OTOG: variants seen among roughly 807,000 people sequenced by gnomAD.
The protein encoded by OTOG is otogelin.
OTOG carries 296 observed loss-of-function variants against 313.8 expected under a neutral mutation model. The observed-to-expected ratio is 0.94, with a 90% CI of 0.86 to 1.04. The LOEUF (loss-of-function observed/expected upper bound fraction) is 1.04. OTOG is among the 50% of genes least tolerant of loss of function. The pLI is 0.00. For synonymous variants in OTOG, 1,533 were observed against 1,554.9 expected (o/e 0.99, Z 0.33); for missense variants, 3,948 against 3,840.1 (o/e 1.03, Z -0.74).
intron 47 of OTOG, among the ~76,000 whole-genome samples, chr11:17,638,195 T>C (rs1465174039): frequency 6.6e-6 from 1 of 152,178 alleles, no homozygotes; most frequent in South Asian, 2.1e-4. Flanking sequence ...GACTGCAGAT[T>C]GAGGAGGCCC....
chr11:17,642,405 T>C (rs1847995969), intron 53 of OTOG, among the ~76,000 whole-genome samples, 159 bp downstream of exon 53: 1 of 152,174 alleles, frequency 6.6e-6, no homozygotes, highest in South Asian at 2.1e-4. Context: ...CTGCATTTCT[T>C]TTTGCCCTGA....
intron 34 of OTOG, among the ~76,000 whole-genome samples, chr11:17,608,868 G>A: frequency 6.6e-6 from 1 of 152,196 alleles, no homozygotes; most frequent in Non-Finnish European, 1.5e-5. Context: ...GTGCAGAAGT[G>A]TACCTTGCTC....
chr11:17,642,866 A>T (rs750867980), intron 53 of OTOG, among the ~76,000 whole-genome samples: 1 of 152,226 alleles, frequency 6.6e-6, no homozygotes, highest in Non-Finnish European at 1.5e-5. Flanking sequence ...ACACCCACAC[A>T]TGCAAAATCA....
At chr11:17,552,665 C>T (rs1851969680) in intron 4 of OTOG, among the ~76,000 whole-genome samples, 1 of 63,840 alleles carries the variant, frequency 1.6e-5, no homozygotes, top group Non-Finnish European at 3.0e-5. Context: ...CTTTGTCTTC[C>T]CTTCGTCTAT....
At chr11:17,588,026 T>C (rs1465838227) in intron 24 of OTOG, among the ~76,000 whole-genome samples, 1 of 152,058 alleles carries the variant, frequency 6.6e-6, no homozygotes, top group Non-Finnish European at 1.5e-5. Flanking sequence ...AGAAATCAGA[T>C]CCAAGGCAGA....
chr11:17,626,140 A>G (rs572430071), intron 39 of OTOG, among the ~76,000 whole-genome samples: 1 of 152,180 alleles, frequency 6.6e-6, no homozygotes, highest in African/African-American at 2.4e-5. Context: ...TGGGTTCTCT[A>G]TTCTGTTCCA....
intron 6 of OTOG, among the ~76,000 whole-genome samples, chr11:17,555,505 G>T (rs556116187): frequency 1.3e-5 from 2 of 152,262 alleles, no homozygotes; most frequent in South Asian, 4.1e-4. Context: ...ATGATTGACT[G>T]GGAAGAGCCC....
At position 17,558,552 on chromosome 11, in the gene OTOG, G is replaced by T; in HGVS notation, c.1011G>T (p.Gln337His). 4 of 1,550,512 alleles carry T rather than the reference G, an allele frequency of 2.6e-6. No homozygotes were observed. Among genetic ancestry groups the T allele is most frequent in the Non-Finnish European group, 3.5e-6 (4 of 1,147,010 alleles). The change falls in exon 10 of 56, where the codon CAG becomes CAT. Residue 337 changes from glutamine to histidine, a missense_variant. Gln to His is a conservative substitution (Grantham distance 24). Transcript: ENST00000399397. ...NPGTMQGVYE[Q>H]CEALLRPPFD... The stretch of plus-strand genomic sequence containing the variant: ...CCTTGCTCTAGGGCGTGTACGAGCA[G>T]TGTGAGGCTCTACTGCGGCCCCCCT...
Position 17,645,979 on chromosome 11 carries a change from C to A in OTOG, c.*35C>A. 6.5e-7 allele frequency: 1 copy of A among 1,534,620 alleles called. No individual in the cohort carries two copies. The highest frequency in any genetic ancestry group is 8.8e-7 in the Non-Finnish European group (1 of 1,138,774). ...GCCCGGGCTAGCTGGACCACCTCTGCCAGCCCCACTTTCTGTTTCCAGCTG... is the reference window on the plus strand; with the variant it reads ...GCCCGGGCTAGCTGGACCACCTCTGACAGCCCCACTTTCTGTTTCCAGCTG... On this transcript the variant is annotated 3_prime_UTR_variant, in exon 56 of 56. Coordinates refer to ENST00000399397, the MANE Select transcript of OTOG (RefSeq NM_001292063.2).
Position 17,645,920 on chromosome 11 carries a change from C to T in OTOG, c.8718C>T (p.Thr2906=), listed in dbSNP as rs1195829508. The part of the protein sequence containing the change: ...TWVPYTVQEP[T]DCACQWS ...TGCCCTATACAGTGCAGGAGCCCAC[C>T]GACTGTGCCTGCCAGTGGTCCTGAG... Residue 2906 remains threonine (T), a synonymous_variant, in exon 56 of 56, where the codon ACC becomes ACT. Coordinates refer to ENST00000399397, the MANE Select transcript of OTOG (RefSeq NM_001292063.2). 3.9e-6 allele frequency: 6 copies of T among 1,549,752 alleles called. No individual in the cohort carries two copies. Among genetic ancestry groups the T allele is most frequent in the Non-Finnish European group, 3.5e-6 (4 of 1,147,000 alleles).
intron 54 of OTOG, 56 bp from the exon 55 acceptor site, chr11:17,645,508 C>G (rs1848055056): frequency 5.9e-6 from 9 of 1,516,912 alleles, no homozygotes; most frequent in Non-Finnish European, 7.1e-6. Context: ...GCCCATCCTG[C>G]TGCCCCGAAG....
At chr11:17,594,792 G>A (rs543855381) in intron 28 of OTOG, among the ~76,000 whole-genome samples, 1 of 152,230 alleles carries the variant, frequency 6.6e-6, no homozygotes, top group Admixed American at 6.5e-5. Flanking sequence ...TGACTTTCTG[G>A]GTGACCTTGA....
At chr11:17,601,865 T>G (rs999990817) in intron 31 of OTOG, among the ~76,000 whole-genome samples, 1 of 152,170 alleles carries the variant, frequency 6.6e-6, no homozygotes, top group African/African-American at 2.4e-5. Context: ...GGACCTTGAA[T>G]AGAGCAGTGG....
intron 29 of OTOG, 104 bp downstream of exon 29, chr11:17,596,258 C>T: frequency 1.2e-6 from 1 of 852,622 alleles, no homozygotes; most frequent in South Asian, 1.5e-5. Flanking sequence ...CAGCTCAGAT[C>T]TCCAGGGAAG....
intron 12 of OTOG, 25 bp from the exon 13 acceptor site, chr11:17,560,684 A>C (rs1350866707): frequency 6.6e-7 from 1 of 1,506,024 alleles, no homozygotes; most frequent in South Asian, 1.2e-5. Flanking sequence ...AAGGTGAGTT[A>C]ATTGGCCCTT....
intron 15 of OTOG, among the ~76,000 whole-genome samples, chr11:17,566,837 A>T (rs1266240277): frequency 6.6e-6 from 1 of 152,180 alleles, no homozygotes; most frequent in East Asian, 1.9e-4. Context: ...CACTCTCTTC[A>T]CTGAGATTGT....
At chr11:17,558,516 G>A (rs1473874413) in intron 9 of OTOG, 22 bp from the exon 10 acceptor site, 1 of 1,549,984 alleles carries the variant, frequency 6.5e-7, no homozygotes, top group Non-Finnish European at 8.7e-7. Context: ...CCCTAGCCCT[G>A]GCTCCTGGTC....
chr11:17,627,478 T>G (rs1366023669), intron 39 of OTOG, among the ~76,000 whole-genome samples: 1 of 152,198 alleles, frequency 6.6e-6, no homozygotes, highest in South Asian at 2.1e-4. Context: ...TTTGATGTAT[T>G]GTTGAATTCA....
At position 17,594,033 on chromosome 11, in the gene OTOG, C is replaced by T. The variant is rs535379289; in HGVS notation, c.3289-14C>T. On this transcript the variant is annotated splice_polypyrimidine_tract_variant and intron_variant, in intron 27 of 55. Transcript: ENST00000399397. Reference sequence around the variant, plus strand: ...CAGGCCTGCAACTGACCATGGTGTCCTCTCTCCTTTCAGGGCCAGCTGGCG... The same window carrying T: ...CAGGCCTGCAACTGACCATGGTGTCTTCTCTCCTTTCAGGGCCAGCTGGCG... 83 of 1,550,578 alleles carry T rather than the reference C, an allele frequency of 5.4e-5. No individual in the cohort carries two copies. The East Asian group carries it at 9.8e-4, about 18-fold the overall frequency.
Sources: gnomAD v4.1 joint callset for allele counts (sites outside exome capture counted in the v4.1 genomes callset) on GRCh38, gnomAD v4.1.1 for gene constraint, MANE v1.5 for transcripts, NCBI Gene and HGNC (gene_info 2026-07-23, HGNC 2026-07-21) for gene names.